The following AKT3 variants were observed in gnomAD, a reference collection of about 807,000 sequenced individuals.
AKT3 encodes the protein AKT serine/threonine kinase 3.
In AKT3, 15 loss-of-function variants were observed where a neutral mutation model predicts 65.3. The observed-to-expected ratio is 0.23, with a 90% CI of 0.15 to 0.35. The LOEUF is 0.35. AKT3 is among the 10% of genes least tolerant of loss of function. The probability of loss-of-function intolerance (pLI) is 1.00; values close to 1 mark genes in which losing one functional copy is unlikely to be tolerated. For synonymous variants in AKT3, 206 were observed against 183.8 expected (o/e 1.12, Z -0.98); for missense variants, 243 against 576.5 (o/e 0.42, Z 5.92).
At chr1:243,641,618 T>C (rs1436451323) in intron 5 of AKT3, among the ~76,000 whole-genome samples, 1 of 152,052 alleles carries the variant, frequency 6.6e-6, no homozygotes, top group Non-Finnish European at 1.5e-5. Flanking sequence ...TTATAAAATA[T>C]TACTATATTC....
rs369196437 is a variant in AKT3 at position 243,846,985 on chromosome 1, A to C, written c.-113+3055T>G. On this transcript the variant is annotated intron_variant, in intron 1 of 13. Coordinates refer to ENST00000673466, the MANE Select transcript of AKT3 (RefSeq NM_005465.7). The stretch of plus-strand genomic sequence containing the variant: ...GCTTACCAGGCATTGGTTAGCATTA[A>C]CTCTAAACTGAATCTAATCCTATCC... 6.6e-5 allele frequency among the ~76,000 whole-genome samples: 10 copies of C among 152,280 alleles called. No homozygotes were observed. In the East Asian group the frequency reaches 1.9e-3, roughly 29 times the overall value.
At chr1:243,648,782 TGTCA>T (rs1471557293) in intron 4 of AKT3, among the ~76,000 whole-genome samples, 5 of 152,128 alleles carry the variant, frequency 3.3e-5, no homozygotes, top group African/African-American at 1.2e-4. Flanking sequence ...TTTTCTTGGA[TGTCA>T]GTAATTTGTG....
chr1:243,668,087 ATCT>A (rs968640521), intron 3 of AKT3, among the ~76,000 whole-genome samples: 1 of 152,094 alleles, frequency 6.6e-6, no homozygotes, highest in African/African-American at 2.4e-5. Flanking sequence ...GTTTTTTAGT[ATCT>A]TTTTTGCTTA....
chr1:243,657,667 A>T (rs551379333), intron 4 of AKT3, among the ~76,000 whole-genome samples: 47 of 152,314 alleles, frequency 3.1e-4, no homozygotes, highest in African/African-American at 1.1e-3. Flanking sequence ...TGGAAACCAT[A>T]AAGAATCCCA....
rs776578383 is a variant in AKT3, at chr1:243,562,544, G to C, written c.948+1176C>G. Among the ~76,000 whole-genome samples the C allele has an allele frequency of 2.0e-5, 3 of 152,268 alleles. No homozygotes were observed. In the East Asian group the frequency reaches 5.8e-4, roughly 29 times the overall value. On this transcript the variant is annotated intron_variant, in intron 10 of 13. Transcript: ENST00000673466. The stretch of plus-strand genomic sequence containing the variant: ...AGTTAATAGTCTTGATGGTTTACTA[G>C]GTGGAAACAAAGGCACCATGCAGCT...
intron 8 of AKT3, among the ~76,000 whole-genome samples, chr1:243,587,458 C>G (rs183681948): frequency 6.6e-6 from 1 of 151,968 alleles, no homozygotes; most frequent in African/African-American, 2.4e-5. Context: ...CAAAAGCACA[C>G]AAAAATAGCT....
intron 2 of AKT3, among the ~76,000 whole-genome samples, chr1:243,749,199 T>C (rs1463251758): frequency 6.6e-6 from 1 of 152,166 alleles, no homozygotes; most frequent in Non-Finnish European, 1.5e-5. Context: ...GTCTCCATCC[T>C]AGGTATATGA....
intron 2 of AKT3, among the ~76,000 whole-genome samples, chr1:243,788,522 A>G (rs1691414841): frequency 6.6e-6 from 1 of 152,196 alleles, no homozygotes; most frequent in Non-Finnish European, 1.5e-5. Context: ...GTATTTGCAT[A>G]TAACCTACAC....
intron 2 of AKT3, among the ~76,000 whole-genome samples, chr1:243,699,511 A>ATATATATATATATATATATATG (rs1685301766): frequency 1.8e-5 from 2 of 113,116 alleles, no homozygotes; most frequent in African/African-American, 6.9e-5. Flanking sequence ...ATATATATAT[A>ATATATATATATATATATATATG]TAATCTTCAT....
In AKT3 at chr1:243,723,308, AAAG is replaced by A. The variant is rs1365896232; in HGVS notation, c.47-27595_47-27593del. Among the ~76,000 whole-genome samples the A allele has an allele frequency of 1.5e-4, 23 of 152,192 alleles. 1 individual carries two copies. The highest frequency in any genetic ancestry group is 1.4e-3 in the Admixed American group (21 of 15,272). On this transcript the variant is annotated intron_variant, in intron 2 of 13. Coordinates refer to ENST00000673466, the MANE Select transcript of AKT3 (RefSeq NM_005465.7). Reference sequence around the variant, plus strand: ...CATAGATGCCTGTCACTATTCAGAAAAAGAAGAAAGAAAGAGCCATACTTTCAA... The same window carrying A: ...CATAGATGCCTGTCACTATTCAGAAAAAGAAAGAAAGAGCCATACTTTCAA...
chr1:243,551,458 T>C (rs1673059005), intron 11 of AKT3, among the ~76,000 whole-genome samples: 1 of 152,128 alleles, frequency 6.6e-6, no homozygotes, highest in African/African-American at 2.4e-5. Flanking sequence ...CTGCTGAAGA[T>C]AAAGCCATGT....
intron 2 of AKT3, among the ~76,000 whole-genome samples, chr1:243,713,106 T>C (rs1292042327): frequency 6.6e-6 from 1 of 152,202 alleles, no homozygotes; most frequent in Non-Finnish European, 1.5e-5. Flanking sequence ...AACAAATCGA[T>C]TCAGTTTAAA....
intron 8 of AKT3, among the ~76,000 whole-genome samples, chr1:243,583,717 T>G (rs1345169121): frequency 3.3e-5 from 5 of 151,940 alleles, no homozygotes; most frequent in African/African-American, 7.2e-5. Flanking sequence ...CTCCTGAATG[T>G]CTTCTGGGTA....
At chr1:243,534,627 T>A (rs1671773638) in intron 12 of AKT3, among the ~76,000 whole-genome samples, 1 of 152,182 alleles carries the variant, frequency 6.6e-6, no homozygotes, top group African/African-American at 2.4e-5. Flanking sequence ...TTTAACAAAT[T>A]TTTAAAAATC....
At chr1:243,638,642 T>G (rs1189754833) in intron 5 of AKT3, among the ~76,000 whole-genome samples, 1 of 152,202 alleles carries the variant, frequency 6.6e-6, no homozygotes, top group African/African-American at 2.4e-5. Context: ...ATGATCAGTT[T>G]ACATAAATTT....
At chr1:243,620,372 G>T (rs1678639733) in intron 6 of AKT3, among the ~76,000 whole-genome samples, 1 of 46,522 alleles carries the variant, frequency 2.1e-5, no homozygotes, top group Non-Finnish European at 1.0e-4. Context: ...GTGTGAGAAT[G>T]AACTAATACA....
rs561837523 is a variant in AKT3, at chr1:243,829,244, G to A, written c.46+13881C>T. On this transcript the variant is annotated intron_variant, in intron 2 of 13. Coordinates refer to ENST00000673466, the MANE Select transcript of AKT3 (RefSeq NM_005465.7). ...AGAATATGGAAGAAAGGAATCACAC[G>A]ATACCCTATATATTTACTGCTTGGC... 3.3e-5 allele frequency among the ~76,000 whole-genome samples: 5 copies of A among 151,900 alleles called. No individual in the cohort carries two copies. The South Asian group carries it at 6.2e-4, about 19-fold the overall frequency.
intron 2 of AKT3, among the ~76,000 whole-genome samples, chr1:243,771,126 G>A (rs1028355298): frequency 1.3e-5 from 2 of 152,154 alleles, no homozygotes; most frequent in Non-Finnish European, 2.9e-5. Flanking sequence ...AGCAGACCAC[G>A]AATGTTCTTG....
At chr1:243,538,232 TGACTCAAGGTA>T (rs1032376970) in intron 12 of AKT3, among the ~76,000 whole-genome samples, 1 of 152,148 alleles carries the variant, frequency 6.6e-6, no homozygotes, top group African/African-American at 2.4e-5. Context: ...GAATTGGTTA[TGACTCAAGGTA>T]GACTAAGTTA....
Sources: gnomAD v4.1 joint callset for allele counts (sites outside exome capture counted in the v4.1 genomes callset) on GRCh38, gnomAD v4.1.1 for gene constraint, MANE v1.5 for transcripts, NCBI Gene and HGNC (gene_info 2026-07-23, HGNC 2026-07-21) for gene names.